MYO3A: variants seen among roughly 807,000 people sequenced by gnomAD.
The protein encoded by MYO3A is myosin-IIIa.
In MYO3A, 180 loss-of-function variants were observed where a neutral mutation model predicts 192.7. The ratio of observed to expected loss-of-function variants is 0.93; its 90% confidence interval spans 0.83 to 1.06. The LOEUF (loss-of-function observed/expected upper bound fraction) is 1.06. MYO3A is among the 50% of genes least tolerant of loss of function. MYO3A has a pLI of 0.00. For synonymous variants in MYO3A, 628 were observed against 645.3 expected (o/e 0.97, Z 0.41); for missense variants, 1,896 against 1,905.0 (o/e 1.00, Z 0.09).
chr10:25,998,991 G>C (rs981589162), intron 6 of MYO3A, among the ~76,000 whole-genome samples: 1 of 152,112 alleles, frequency 6.6e-6, no homozygotes, highest in Non-Finnish European at 1.5e-5. Context: ...TCTGCCTCCT[G>C]GGTTCACACC....
At chr10:26,104,114 CAA>C (rs74639975) in intron 17 of MYO3A, among the ~76,000 whole-genome samples, 70,148 of 144,470 alleles carry the variant, frequency 0.49, 16,963 homozygotes, top group Middle Eastern at 0.58. Context: ...GTCTGATTTG[CAA>C]AAAAAAAAAA....
chr10:26,098,280 T>A (rs1406675190), intron 17 of MYO3A, among the ~76,000 whole-genome samples: 2 of 152,220 alleles, frequency 1.3e-5, no homozygotes, highest in Non-Finnish European at 2.9e-5. Context: ...TCTTGTAAAT[T>A]TGTTTAAGCT....
At chr10:26,018,024 AT>A (rs1842077081) in intron 7 of MYO3A, among the ~76,000 whole-genome samples, 2 of 150,310 alleles carry the variant, frequency 1.3e-5, no homozygotes, top group African/African-American at 4.9e-5. Context: ...TCATTATATA[AT>A]TAATATCCTA....
chr10:25,942,739 A>G (rs1836578212), intron 2 of MYO3A, among the ~76,000 whole-genome samples: 1 of 150,222 alleles, frequency 6.7e-6, no homozygotes, highest in African/African-American at 2.4e-5. Context: ...CCATTTGTAT[A>G]TATTATTTGG....
At chr10:26,134,320 C>G (rs1839724148) in intron 20 of MYO3A, among the ~76,000 whole-genome samples, 3 of 151,996 alleles carry the variant, frequency 2.0e-5, no homozygotes, top group Admixed American at 2.0e-4. Context: ...TAATGATGGC[C>G]AGCATTCTCT....
At chr10:26,059,301 A>G (rs1039926294) in intron 10 of MYO3A, among the ~76,000 whole-genome samples, 7 of 152,132 alleles carry the variant, frequency 4.6e-5, no homozygotes, top group Non-Finnish European at 2.9e-5. Context: ...TCTCATCATT[A>G]TGTATTGTAA....
intron 4 of MYO3A, among the ~76,000 whole-genome samples, chr10:25,983,366 C>G (rs1320897645): frequency 6.6e-6 from 1 of 152,000 alleles, no homozygotes; most frequent in African/African-American, 2.4e-5. Flanking sequence ...TGCCATTCTC[C>G]TGTCTCAGCC....
chr10:25,939,838 C>T (rs189403753), intron 2 of MYO3A, among the ~76,000 whole-genome samples: 23 of 151,486 alleles, frequency 1.5e-4, no homozygotes, highest in Admixed American at 5.3e-4. Context: ...GTTAAAATCT[C>T]CCATTAAAAT....
At position 25,967,575 on chromosome 10, in the gene MYO3A, A is replaced by G. The variant is rs138369320; in HGVS notation, c.303+12567A>G. On this transcript the variant is annotated intron_variant, in intron 4 of 34. Transcript: ENST00000642920. ...CAGCTCCAATATTAGATCACTAGAT[A>G]TGTGAAGATTCAGGAATATGCAGCC... Among the ~76,000 whole-genome samples, 41 of 152,346 alleles carry G rather than the reference A, an allele frequency of 2.7e-4. No homozygotes were observed. In the East Asian group the frequency reaches 7.5e-3, roughly 28 times the overall value.
chr10:25,981,222 C>G (rs1839305851), intron 4 of MYO3A, among the ~76,000 whole-genome samples: 1 of 152,136 alleles, frequency 6.6e-6, no homozygotes, highest in Non-Finnish European at 1.5e-5. Flanking sequence ...TGGACACTTA[C>G]CACTAGTAGA....
chr10:26,062,380 A>G (rs1834538351), intron 10 of MYO3A, among the ~76,000 whole-genome samples: 1 of 150,966 alleles, frequency 6.6e-6, no homozygotes, highest in Non-Finnish European at 1.5e-5. Flanking sequence ...TTAGCCATGC[A>G]TGGTAGCGCG....
intron 7 of MYO3A, among the ~76,000 whole-genome samples, chr10:26,019,993 TATG>T (rs1193368598): frequency 2.6e-5 from 4 of 152,204 alleles, no homozygotes; most frequent in Non-Finnish European, 2.9e-5. Context: ...AAGCACTGTG[TATG>T]ATGATGTCCC....
chr10:25,939,009 CCTT>C (rs1353695660), intron 2 of MYO3A, among the ~76,000 whole-genome samples: 1 of 151,924 alleles, frequency 6.6e-6, no homozygotes, highest in Non-Finnish European at 1.5e-5. Flanking sequence ...TATGTACTCT[CCTT>C]AGAGGTTATA....
chr10:26,057,737 T>G (rs1834198829), intron 10 of MYO3A, among the ~76,000 whole-genome samples: 1 of 152,194 alleles, frequency 6.6e-6, no homozygotes, highest in Non-Finnish European at 1.5e-5. Flanking sequence ...ATTGGATCTA[T>G]TAGTCAGTGC....
At position 26,071,023 on chromosome 10, in the gene MYO3A, A is replaced by ATT. The variant is rs34644371; in HGVS notation, c.1359+631_1359+632dup. 3.3e-4 allele frequency among the ~76,000 whole-genome samples: 49 copies of ATT among 150,110 alleles called. 1 individual carries two copies. The East Asian group carries it at 3.3e-3, about 10-fold the overall frequency. On this transcript the variant is annotated intron_variant, in intron 14 of 34. Coordinates refer to ENST00000642920, the MANE Select transcript of MYO3A (RefSeq NM_017433.5). ...CAATTACAATAAAAATCCAAACAGG[A>ATT]TTTTTTTTTTGGTGGGAATTGACAA...
At chr10:25,970,686 A>T (rs994902008) in intron 4 of MYO3A, among the ~76,000 whole-genome samples, 1 of 151,952 alleles carries the variant, frequency 6.6e-6, no homozygotes, top group African/African-American at 2.4e-5. Context: ...CTCTTTAGAC[A>T]GATCCAGAGA....
At chr10:25,947,476 C>T (rs1344165980) in intron 2 of MYO3A, among the ~76,000 whole-genome samples, 1 of 147,738 alleles carries the variant, frequency 6.8e-6, no homozygotes, top group Admixed American at 6.8e-5. Context: ...TCACTGCAAC[C>T]TCCGCCTCCC....
In MYO3A at chr10:26,000,081, A is replaced by T. The variant is rs192659237; in HGVS notation, c.508+2823A>T. On this transcript the variant is annotated intron_variant, in intron 6 of 34. Coordinates refer to ENST00000642920, the MANE Select transcript of MYO3A (RefSeq NM_017433.5). ...GGGATCCTTTCAAAAAACACATCTGATCCTGCGACTACCTTGTTCAGTATC... is the reference window on the plus strand; with the variant it reads ...GGGATCCTTTCAAAAAACACATCTGTTCCTGCGACTACCTTGTTCAGTATC... 6.4e-4 allele frequency among the ~76,000 whole-genome samples: 97 copies of T among 152,162 alleles called. 4 individuals are homozygous for T. The highest frequency in any genetic ancestry group is 6.2e-3 in the Admixed American group (94 of 15,270).
chr10:26,118,560 A>T (rs1208210157), intron 17 of MYO3A, among the ~76,000 whole-genome samples: 2 of 152,044 alleles, frequency 1.3e-5, no homozygotes, highest in African/African-American at 4.8e-5. Flanking sequence ...CATTTAAAAC[A>T]CAAAAATAAT....
Sources: gnomAD v4.1 joint callset for allele counts (sites outside exome capture counted in the v4.1 genomes callset) on GRCh38, gnomAD v4.1.1 for gene constraint, MANE v1.5 for transcripts, NCBI Gene and HGNC (gene_info 2026-07-23, HGNC 2026-07-21) for gene names.